The following ATF7IP2 variants were observed in gnomAD, a reference collection of about 807,000 sequenced individuals.
The protein encoded by ATF7IP2 is activating transcription factor 7-interacting protein 2.
Under a neutral mutation model 64.2 loss-of-function variants are expected in ATF7IP2, and 42 were observed. The observed-to-expected ratio is 0.65, with a 90% CI of 0.51 to 0.85. The LOEUF is 0.85. Ranked by LOEUF, ATF7IP2 falls within the 40% of genes least tolerant of loss-of-function variation. The pLI is 0.00. For synonymous variants in ATF7IP2, 308 were observed against 272.8 expected, an observed-to-expected ratio of 1.13 and a Z score of -1.27; for missense variants, 933 against 784.2, an observed-to-expected ratio of 1.19 and a Z score of -2.27.
intron 9 of ATF7IP2, among the ~76,000 whole-genome samples, chr16:10,470,072 T>C (rs1049952839): frequency 6.6e-6 from 1 of 152,076 alleles, no homozygotes; most frequent in African/African-American, 2.4e-5. Flanking sequence ...AAATAGAAAT[T>C]TGGATCTGTA....
chr16:10,393,364 T>C (rs760178896), intron 1 of ATF7IP2, among the ~76,000 whole-genome samples: 18 of 144,894 alleles, frequency 1.2e-4, no homozygotes, highest in Non-Finnish European at 1.8e-4. Context: ...AAAAATCCTA[T>C]GGCAGTAAAG....
chr16:10,389,117 G>T (rs76640481), intron 1 of ATF7IP2, among the ~76,000 whole-genome samples: 3,446 of 152,182 alleles, frequency 0.023, 125 homozygotes, highest in African/African-American at 0.077. Context: ...AAAGAGCATA[G>T]ACTAGGAGGG....
intron 9 of ATF7IP2, chr16:10,471,901 G>T (rs2049813603): frequency 2.8e-6 from 1 of 362,794 alleles, no homozygotes; most frequent in South Asian, 5.9e-5. Flanking sequence ...CTAATTATTG[G>T]ATTTTGATGA....
intron 2 of ATF7IP2, among the ~76,000 whole-genome samples, chr16:10,419,283 T>C (rs538216060): frequency 1.7e-4 from 26 of 152,228 alleles, no homozygotes; most frequent in African/African-American, 5.3e-4. Flanking sequence ...CCCAAACAGA[T>C]AGGTGAATGT....
At chr16:10,432,030 G>A (rs1356170588) in intron 5 of ATF7IP2, among the ~76,000 whole-genome samples, 1 of 147,398 alleles carries the variant, frequency 6.8e-6, no homozygotes, top group East Asian at 2.0e-4. Context: ...GTAGAAACAG[G>A]GTTTCACCAT....
intron 1 of ATF7IP2, among the ~76,000 whole-genome samples, chr16:10,388,854 A>G (rs535286714): frequency 2.6e-5 from 4 of 152,234 alleles, no homozygotes; most frequent in African/African-American, 4.8e-5. Flanking sequence ...ACTAAAAAAT[A>G]CAAAAAAATT....
chr16:10,399,194 A>G (rs2047479210), intron 1 of ATF7IP2, among the ~76,000 whole-genome samples: 2 of 152,260 alleles, frequency 1.3e-5, no homozygotes, highest in South Asian at 2.1e-4. Flanking sequence ...GGAAAATTGT[A>G]CAACGGTATT....
intron 9 of ATF7IP2, among the ~76,000 whole-genome samples, chr16:10,471,379 T>C (rs1038238069): frequency 6.6e-6 from 1 of 151,966 alleles, no homozygotes; most frequent in Non-Finnish European, 1.5e-5. Flanking sequence ...AATAGAAAAA[T>C]TAGCCGGGCA....
At position 10,409,272 on chromosome 16, in the gene ATF7IP2, A is replaced by G. The variant is rs534192610; in HGVS notation, c.-241-5302A>G. On this transcript the variant is annotated intron_variant, in intron 1 of 13. Transcript: ENST00000562102. ...GTGCAGAGTTAGCAACCAAGGGAAC[A>G]GATGTGAGTTATTGATTAGAACTGA... Among the ~76,000 whole-genome samples, 16 of 152,308 alleles carry G rather than the reference A, an allele frequency of 1.1e-4. No individual in the cohort carries two copies. In the South Asian group the frequency reaches 3.3e-3, roughly 32 times the overall value.
intron 5 of ATF7IP2, among the ~76,000 whole-genome samples, chr16:10,432,995 T>C (rs759246244): frequency 5.9e-5 from 9 of 152,194 alleles, no homozygotes; most frequent in Non-Finnish European, 1.0e-4. Flanking sequence ...TATTGAGTTA[T>C]TAAGTAAGAT....
chr16:10,416,252 T>C (rs1223467806), intron 2 of ATF7IP2, among the ~76,000 whole-genome samples: 1 of 152,198 alleles, frequency 6.6e-6, no homozygotes, highest in Non-Finnish European at 1.5e-5. Flanking sequence ...ATATACACAA[T>C]AGAATACTAT....
chr16:10,470,532 C>T (rs2049753952), intron 9 of ATF7IP2, among the ~76,000 whole-genome samples: 2 of 151,936 alleles, frequency 1.3e-5, no homozygotes, highest in African/African-American at 4.8e-5. Context: ...ACTTATAATC[C>T]CAGCATCTTG....
intron 8 of ATF7IP2, among the ~76,000 whole-genome samples, chr16:10,455,301 T>C (rs552666695): frequency 1.3e-5 from 2 of 152,106 alleles, no homozygotes; most frequent in African/African-American, 4.8e-5. Flanking sequence ...GGCAAGAAGG[T>C]CAAAGGCAGA....
In ATF7IP2 at chr16:10,482,045, G is replaced by C; in HGVS notation, c.1845G>C (p.Leu615=). 6.2e-7 allele frequency: 1 copy of C among 1,613,870 alleles called. No homozygotes were observed. Among genetic ancestry groups the C allele is most frequent in the Non-Finnish European group, 8.5e-7 (1 of 1,179,846 alleles). Residue 615 remains leucine (L), a synonymous_variant, in exon 14 of 14, where the codon CTG becomes CTC. Transcript: ENST00000562102. ...CAPVESYHLF[L]CHENSNNKLI... is the part of the protein sequence containing the mutation. ...CTGTAGAAAGCTACCACCTCTTCCT[G>C]TGTCATGAGAACTCTAATAATAAGT...
At position 10,430,958 on chromosome 16, in the gene ATF7IP2, T is replaced by A; in HGVS notation, c.338T>A (p.Val113Asp). The A allele has an allele frequency of 6.2e-7, 1 of 1,614,118 alleles. No homozygotes were observed. The change falls in exon 5 of 14, where the codon GTT becomes GAT. Residue 113 changes from valine (V) to aspartate (D), a missense_variant. By Grantham distance (152) the Val-to-Asp change is radical (BLOSUM62 -3). Transcript: ENST00000562102. The part of the protein sequence containing the change: ...VHSETKLEQV[V>D]CSYQKPSRTT... ...TCAGAAACAAAATTGGAACAAGTTG[T>A]TTGTTCGTACCAAAAGCCAAGTAGA...
At position 10,412,404 on chromosome 16, in the gene ATF7IP2, T is replaced by C. The variant is rs1239048723; in HGVS notation, c.-241-2170T>C. Among the ~76,000 whole-genome samples, 10 of 152,204 alleles carry C rather than the reference T, an allele frequency of 6.6e-5. No individual in the cohort carries two copies. In the South Asian group the frequency reaches 2.1e-3, roughly 32 times the overall value. On this transcript the variant is annotated intron_variant, in intron 1 of 13. Transcript: ENST00000562102. ...ATTGTCATTCAGTTTGAAGAACTTT[T>C]TAATTTCCATCTTGATTTCATTGTT...
Position 10,430,988 on chromosome 16 carries a change from C to G in ATF7IP2, c.368C>G (p.Thr123Arg). ...VCSYQKPSRT[T>R]ESPSRVFTEE... Reference sequence around the variant, plus strand: ...TCGTACCAAAAGCCAAGTAGAACAACAGAATCCCCCAGCAGAGTCTTCACA... The same window carrying G: ...TCGTACCAAAAGCCAAGTAGAACAAGAGAATCCCCCAGCAGAGTCTTCACA... The change falls in exon 5 of 14, where the codon ACA becomes AGA. Residue 123 changes from threonine to arginine, a missense_variant. Coordinates refer to ENST00000562102, the MANE Select transcript of ATF7IP2 (RefSeq NM_001393719.1). The G allele has an allele frequency of 1.2e-6, 2 of 1,614,144 alleles. No individual in the cohort carries two copies. The highest frequency in any genetic ancestry group is 1.7e-6 in the Non-Finnish European group (2 of 1,180,020).
intron 8 of ATF7IP2, among the ~76,000 whole-genome samples, chr16:10,451,073 A>G (rs1448340347): frequency 6.6e-6 from 1 of 152,156 alleles, no homozygotes; most frequent in Non-Finnish European, 1.5e-5. Flanking sequence ...TTCACTTATG[A>G]AGCTTAGTTT....
At chr16:10,464,056 T>A (rs1055675607) in intron 9 of ATF7IP2, among the ~76,000 whole-genome samples, 35 of 152,178 alleles carry the variant, frequency 2.3e-4, no homozygotes, top group African/African-American at 7.0e-4. Flanking sequence ...TGGCCAAGCG[T>A]CCAGCTCACT....
Sources: allele counts gnomAD v4.1 joint callset (sites outside exome capture counted in the v4.1 genomes callset), GRCh38; gene constraint gnomAD v4.1.1; transcripts MANE v1.5; gene names NCBI Gene and HGNC (gene_info 2026-07-23, HGNC 2026-07-21).